C16orf96: variants seen among roughly 807,000 people sequenced by gnomAD.
C16orf96 encodes uncharacterized protein C16orf96.
In C16orf96, 108 loss-of-function variants were observed where a neutral mutation model predicts 103.6. The ratio of observed to expected loss-of-function variants is 1.04; its 90% CI spans 0.89 to 1.22. The LOEUF (loss-of-function observed/expected upper bound fraction) is 1.22. C16orf96 is among the 50% of genes most tolerant of loss of function. C16orf96 has a pLI of 0.00. For synonymous variants in C16orf96, 566 were observed against 593.5 expected (o/e 0.95, Z 0.67); for missense variants, 1,586 against 1,464.2 (o/e 1.08, Z -1.36).
intron 1 of C16orf96, among the ~76,000 whole-genome samples, chr16:4,563,570 G>T (rs531863163): frequency 4.5e-4 from 67 of 149,368 alleles, no homozygotes; most frequent in Middle Eastern, 4.1e-3. Context: ...CCTTTTTTTT[G>T]TTTGTTTGTT....
intron 7 of C16orf96, among the ~76,000 whole-genome samples, chr16:4,580,611 C>G (rs1291792834): frequency 1.3e-5 from 2 of 151,996 alleles, no homozygotes; most frequent in Admixed American, 6.6e-5. Flanking sequence ...CTTTGGGAAT[C>G]TGAGGTGGGA....
At position 4,573,768 on chromosome 16, in the gene C16orf96, GAAAAA is replaced by G. The variant is rs1475559013; in HGVS notation, c.526-939_526-935del. Reference sequence around the variant, plus strand: ...CTCTGTCTCAAAAAAAAAAAAAAAAGAAAAAAGAAAAGAAAAACAATGCCTTATTG... The same window carrying G: ...CTCTGTCTCAAAAAAAAAAAAAAAAGAGAAAAGAAAAACAATGCCTTATTG... On this transcript the variant is annotated intron_variant, in intron 2 of 15. Coordinates refer to ENST00000444310, the MANE Select transcript of C16orf96 (RefSeq NM_001145011.2). Among the ~76,000 whole-genome samples, 29 of 143,052 alleles carry G rather than the reference GAAAAA, an allele frequency of 2.0e-4. No individual in the cohort carries two copies. The East Asian group carries it at 5.6e-3, about 28-fold the overall frequency. The allele number at this position is 143,052 out of a possible 152,430, so 93.8% of individuals were successfully genotyped here. A position where few individuals can be genotyped will look rare whatever the true frequency, so the allele number is the denominator to read the frequency against.
In C16orf96 at chr16:4,576,412, C is replaced by A; in HGVS notation, c.1932C>A (p.Ile644=). 6.4e-7 allele frequency: 1 copy of A among 1,551,160 alleles called. No individual in the cohort carries two copies. The highest frequency in any genetic ancestry group is 8.7e-7 in the Non-Finnish European group (1 of 1,147,010). The stretch of plus-strand genomic sequence containing the variant: ...AGATCTTGGGCGATGATTCCGAAAT[C>A]TACGAAATCCTCTCTCCCTCCTACT... ...ESQILGDDSE[I]YEILSPSYSA... The change falls in exon 5 of 16, where the codon ATC becomes ATA. Residue 644 remains isoleucine (I), a synonymous_variant. Coordinates refer to ENST00000444310, the MANE Select transcript of C16orf96 (RefSeq NM_001145011.2).
intron 2 of C16orf96, among the ~76,000 whole-genome samples, chr16:4,572,533 C>G (rs1219147560): frequency 1.3e-5 from 2 of 152,024 alleles, no homozygotes; most frequent in South Asian, 2.1e-4. Flanking sequence ...AATCTCCTGA[C>G]CTCTTGATCC....
intron 7 of C16orf96, among the ~76,000 whole-genome samples, chr16:4,583,370 G>A (rs563169243): frequency 7.9e-5 from 12 of 152,160 alleles, no homozygotes; most frequent in African/African-American, 2.9e-4. Flanking sequence ...GCCAGATGTG[G>A]CAGCGTACGC....
intron 1 of C16orf96, chr16:4,562,995 C>A: frequency 8.6e-7 from 1 of 1,168,098 alleles, no homozygotes; most frequent in South Asian, 1.2e-5. Context: ...CCTCATTTTC[C>A]CAATCTGAAA....
In C16orf96 at chr16:4,594,557, C is replaced by T. The variant is rs549965606; in HGVS notation, c.3027+47C>T. The T allele has an allele frequency of 5.1e-5, 78 of 1,544,452 alleles. 1 individual carries two copies. In the East Asian group the frequency reaches 1.1e-3, roughly 22 times the overall value. ...TTCTCAGAGGGTGGACGTCAGCGCA[C>T]CCCAGCCCCAGGTGTGGGACCAGGC... On this transcript the variant is annotated intron_variant, in intron 13 of 15. Coordinates refer to ENST00000444310, the MANE Select transcript of C16orf96 (RefSeq NM_001145011.2).
chr16:4,584,542 T>C (rs921281242), intron 7 of C16orf96, among the ~76,000 whole-genome samples: 7 of 151,280 alleles, frequency 4.6e-5, no homozygotes, highest in African/African-American at 1.7e-4. Context: ...GTTTGTTTTT[T>C]GTTTTTGTTC....
At position 4,556,563 on chromosome 16, in the gene C16orf96, C is replaced by T. The variant is rs1246845067; in HGVS notation, c.74C>T (p.Ala25Val). Reference sequence around the variant, plus strand: ...CAGTGCGGGGTGCTGAACTTCAAGGCCCTGCACCTCCTGCTGCACGGCATC... The same window carrying T: ...CAGTGCGGGGTGCTGAACTTCAAGGTCCTGCACCTCCTGCTGCACGGCATC... ...IPQCGVLNFK[A>V]LHLLLHGILE... Residue 25 changes from alanine to valine, a missense_variant, in exon 1 of 16, where the codon GCC becomes GTC. Transcript: ENST00000444310. 10 of 1,551,482 alleles carry T rather than the reference C, an allele frequency of 6.4e-6. No homozygotes were observed. The East Asian group carries it at 2.4e-4, about 38-fold the overall frequency.
At chr16:4,590,615 T>C (rs901308193) in intron 9 of C16orf96, among the ~76,000 whole-genome samples, 9 of 152,088 alleles carry the variant, frequency 5.9e-5, no homozygotes, top group African/African-American at 2.2e-4. Flanking sequence ...CCAGGTGCGG[T>C]GGCTCACACC....
At chr16:4,574,860 A>C in intron 3 of C16orf96, 71 bp downstream of exon 3, 1 of 1,525,522 alleles carries the variant, frequency 6.6e-7, no homozygotes, top group South Asian at 1.2e-5. Context: ...CTGGGTGCTG[A>C]GGGTAGGGAG....
At chr16:4,538,653 A>T in the C16orf96 span, 1 of 152,146 alleles carries the variant, frequency 6.6e-6, no homozygotes, top group African/African-American at 2.4e-5. Context: ...TCCCCCGGGG[A>T]GGAGGGCTCC....
upstream of C16orf96, among the ~76,000 whole-genome samples, chr16:4,553,813 A>G (rs778667960): frequency 1.4e-4 from 22 of 152,130 alleles, no homozygotes; most frequent in Non-Finnish European, 2.5e-4. Context: ...CTGGCATGTT[A>G]CATATGTTAT....
intron 6 of C16orf96, among the ~76,000 whole-genome samples, chr16:4,579,526 C>G (rs2059556327): frequency 7.0e-6 from 1 of 142,424 alleles, no homozygotes; most frequent in Admixed American, 7.2e-5. Context: ...TGCACTCTAG[C>G]CTGGGTGACA....
At position 4,576,520 on chromosome 16, in the gene C16orf96, G is replaced by C. The variant is rs1318387047; in HGVS notation, c.2040G>C (p.Lys680Asn). The change falls in exon 5 of 16, where the codon AAG becomes AAC. Residue 680 changes from lysine to asparagine, a missense_variant. Physicochemically the swap from Lys to Asn is moderately conservative, Grantham distance 94. Transcript: ENST00000444310. The part of the protein sequence containing the change: ...TKQAMSPEDK[K>N]RAVKYSMSHI... The stretch of plus-strand genomic sequence containing the variant: ...AGGCCATGAGCCCTGAAGACAAGAA[G>C]AGGGCTGTCAAGTATTCCATGAGCC... 1 of 1,551,466 alleles carries C rather than the reference G, an allele frequency of 6.4e-7. No homozygotes were observed. The highest frequency in any genetic ancestry group is 2.4e-5 in the East Asian group (1 of 40,942).
chr16:4,563,724 A>T (rs963689059), intron 1 of C16orf96, among the ~76,000 whole-genome samples: 6 of 151,532 alleles, frequency 4.0e-5, no homozygotes, highest in Admixed American at 1.3e-4. Context: ...GTGCACCACC[A>T]TGCCCAGCTA....
chr16:4,571,124 T>TA (rs1182593532), intron 1 of C16orf96, among the ~76,000 whole-genome samples: 3 of 152,092 alleles, frequency 2.0e-5, no homozygotes, highest in South Asian at 2.1e-4. Flanking sequence ...AGGTGGAGGT[T>TA]ACAGTGAGTT....
At chr16:4,592,599 A>G (rs1437287077) in intron 11 of C16orf96, among the ~76,000 whole-genome samples, 1 of 152,214 alleles carries the variant, frequency 6.6e-6, no homozygotes, top group Non-Finnish European at 1.5e-5. Context: ...ATACACATCC[A>G]TGTACACTGT....
chr16:4,596,851 T>G (rs767038217), intron 14 of C16orf96, among the ~76,000 whole-genome samples: 21 of 152,322 alleles, frequency 1.4e-4, no homozygotes, highest in Admixed American at 2.6e-4. Flanking sequence ...GGAGGGTCCC[T>G]CCCTGTCTCT....
Sources: gnomAD v4.1 joint callset for allele counts (sites outside exome capture counted in the v4.1 genomes callset) on GRCh38, gnomAD v4.1.1 for gene constraint, MANE v1.5 for transcripts, NCBI Gene and HGNC (gene_info 2026-07-23, HGNC 2026-07-21) for gene names.